YY1: variants seen among roughly 807,000 people sequenced by gnomAD.
YY1 encodes YY1 transcription factor.
Under a neutral mutation model 35.6 loss-of-function variants are expected in YY1, and 2 were observed. That is an observed-to-expected ratio of 0.06 (90% CI 0.02 to 0.18). The LOEUF (loss-of-function observed/expected upper bound fraction) is 0.18, where lower values mean the gene tolerates loss of function less well. Among genes scored for constraint, YY1 ranks in the 10% least tolerant of loss-of-function variants. The probability of loss-of-function intolerance (pLI) is 1.00; values close to 1 mark genes in which losing one functional copy is unlikely to be tolerated. For missense variants in YY1, 322 were observed against 573.4 expected, an observed-to-expected ratio of 0.56 and a Z score of 4.48; for synonymous variants, 268 against 238.9, an observed-to-expected ratio of 1.12 and a Z score of -1.12.
rs559646551 is a variant in YY1 at position 100,274,466 on chromosome 14, G to A, written c.843-232G>A. The stretch of plus-strand genomic sequence containing the variant: ...GCTTATTAGCTATGAGACTGTAGGC[G>A]GCAACTCGATGTTTCTAGCCTGAGC... On this transcript the variant is annotated intron_variant, in intron 2 of 4. Coordinates refer to ENST00000262238, the MANE Select transcript of YY1 (RefSeq NM_003403.5). 7.9e-5 allele frequency among the ~76,000 whole-genome samples: 12 copies of A among 152,252 alleles called. No homozygotes were observed. The South Asian group carries it at 1.5e-3, about 18-fold the overall frequency.
At chr14:100,271,982 C>T (rs1891245193) in intron 2 of YY1, among the ~76,000 whole-genome samples, 1 of 152,024 alleles carries the variant, frequency 6.6e-6, no homozygotes, top group Non-Finnish European at 1.5e-5. Context: ...TAGGGATGCT[C>T]AATCTATAAT....
rs565570460 is a variant in YY1 at position 100,254,402 on chromosome 14, G to A, written c.680-7902G>A. ...TGATTTCTTCTGGCAACAAAAGCCAGTGTCTTTTGTCATTTCTCTAGAAGT... is the reference window on the plus strand; with the variant it reads ...TGATTTCTTCTGGCAACAAAAGCCAATGTCTTTTGTCATTTCTCTAGAAGT... On this transcript the variant is annotated intron_variant, in intron 1 of 4. Coordinates refer to ENST00000262238, the MANE Select transcript of YY1 (RefSeq NM_003403.5). Among the ~76,000 whole-genome samples, 7 of 152,272 alleles carry A rather than the reference G, an allele frequency of 4.6e-5. No individual in the cohort carries two copies. In the South Asian group the frequency reaches 1.5e-3, roughly 32 times the overall value.
chr14:100,274,965 C>T (rs775768390), intron 3 of YY1, among the ~76,000 whole-genome samples: 1 of 152,234 alleles, frequency 6.6e-6, no homozygotes, highest in East Asian at 1.9e-4. Flanking sequence ...TGCAGGGAGC[C>T]GTTGCTTGAT....
At position 100,247,750 on chromosome 14, in the gene YY1, C is replaced by T. The variant is rs116492148; in HGVS notation, c.679+7827C>T. On this transcript the variant is annotated intron_variant, in intron 1 of 4. Transcript: ENST00000262238. ...GCCATTTCCTCGTTCTAAGTATCTT[C>T]TCAGTAGGTTCCATTCTGTTTAACT... Among the ~76,000 whole-genome samples, 690 of 152,244 alleles carry T rather than the reference C, an allele frequency of 4.5e-3. 6 individuals carry two copies. Among genetic ancestry groups the T allele is most frequent in the African/African-American group, 0.016 (656 of 41,548 alleles).
At chr14:100,271,578 G>GT (rs1305319357) in intron 2 of YY1, among the ~76,000 whole-genome samples, 1 of 152,038 alleles carries the variant, frequency 6.6e-6, no homozygotes, top group Non-Finnish European at 1.5e-5. Flanking sequence ...TGCATAATGA[G>GT]TTATCTTAAG....
rs184056992 is a variant in YY1 at position 100,248,929 on chromosome 14, G to A, written c.679+9006G>A. ...GTCTTGATCTCCTGACCTCATGATC[G>A]GCCCGCCTTGGTCTCCCAAAGTGCT... On this transcript the variant is annotated intron_variant, in intron 1 of 4. Transcript: ENST00000262238. Among the ~76,000 whole-genome samples the A allele has an allele frequency of 2.0e-3, 294 of 150,456 alleles. 2 individuals carry two copies. The highest frequency in any genetic ancestry group is 6.9e-3 in the African/African-American group (285 of 41,070).
At chr14:100,241,101 G>A (rs936466201) in intron 1 of YY1, among the ~76,000 whole-genome samples, 1 of 152,100 alleles carries the variant, frequency 6.6e-6, no homozygotes. Context: ...ATTCAATGCT[G>A]GTTTTTTAGG....
At chr14:100,240,238 C>T (rs905857662) in intron 1 of YY1, among the ~76,000 whole-genome samples, 5 of 140,086 alleles carry the variant, frequency 3.6e-5, no homozygotes, top group African/African-American at 1.3e-4. Flanking sequence ...CCCCGACGCC[C>T]TCGCTCCCCG....
At position 100,276,780 on chromosome 14, in the gene YY1, A is replaced by T; in HGVS notation, c.1062+132A>T. ...CTTATTACTCCTTGGTGAGAAACAA[A>T]ACTTCTCCTGGGGAGTCGCTTAGAA... On this transcript the variant is annotated intron_variant, in intron 4 of 4. Coordinates refer to ENST00000262238, the MANE Select transcript of YY1 (RefSeq NM_003403.5). This position sits in a 1 kb window ranked among gnomAD's most constrained non-coding sequence, Gnocchi z 4.1. 7.2e-7 allele frequency: 1 copy of T among 1,395,026 alleles called. No homozygotes were observed. Among genetic ancestry groups the T allele is most frequent in the East Asian group, 2.3e-5 (1 of 42,764 alleles). The allele number at this position is 1,395,026 out of a possible 1,614,324, so 86.4% of individuals were successfully genotyped here.
chr14:100,272,555 A>G (rs145506172), intron 2 of YY1, among the ~76,000 whole-genome samples: 29 of 152,068 alleles, frequency 1.9e-4, no homozygotes, highest in African/African-American at 7.0e-4. Flanking sequence ...TCACAGAATT[A>G]ATTTTTTTTT....
chr14:100,252,480 A>G (rs577903546), intron 1 of YY1, among the ~76,000 whole-genome samples: 10 of 152,212 alleles, frequency 6.6e-5, no homozygotes, highest in Non-Finnish European at 1.2e-4. Flanking sequence ...CACACATTCT[A>G]TCTTAGGCCA....
chr14:100,243,257 T>A (rs1184094225), intron 1 of YY1, among the ~76,000 whole-genome samples: 2 of 152,212 alleles, frequency 1.3e-5, no homozygotes, highest in African/African-American at 2.4e-5. Context: ...TGTGTACATA[T>A]GGGTTGAGCA....
At position 100,249,758 on chromosome 14, in the gene YY1, TTG is replaced by T. The variant is rs869267099; in HGVS notation, c.679+9837_679+9838del. 3.8e-3 allele frequency among the ~76,000 whole-genome samples: 151 copies of T among 39,564 alleles called. 2 individuals are homozygous for T. The highest frequency in any genetic ancestry group is 0.014 in the African/African-American group (112 of 7,864). 26.0% of individuals were successfully genotyped at this position (39,564 alleles called of 152,430 possible). Reference sequence around the variant, plus strand: ...GATTTGCTACTTACCGTTTTTTTTTTTGTTTGTTTTTGTTTTTGTTTTTGTTT... The same window carrying T: ...GATTTGCTACTTACCGTTTTTTTTTTTTTGTTTTTGTTTTTGTTTTTGTTT... On this transcript the variant is annotated intron_variant, in intron 1 of 4. Coordinates refer to ENST00000262238, the MANE Select transcript of YY1 (RefSeq NM_003403.5).
chr14:100,280,749 A>T lies in YY1; in HGVS notation c.*3149A>T, dbSNP rs1023851090. The T allele has an allele frequency of 1.3e-5, 2 of 152,158 alleles. No homozygotes were observed. The highest frequency in any genetic ancestry group is 4.8e-5 in the African/African-American group (2 of 41,428). The allele number at this position is 152,158 out of a possible 1,614,324, so 9.4% of individuals were successfully genotyped here. ...AAGTTCATGTCTTCACAAGTAGATGAGAGTCACTTCCAGTCGGGGGAAGCC... is the reference window on the plus strand; with the variant it reads ...AAGTTCATGTCTTCACAAGTAGATGTGAGTCACTTCCAGTCGGGGGAAGCC... On this transcript the variant is annotated 3_prime_UTR_variant, in exon 5 of 5. Transcript: ENST00000262238.
intron 1 of YY1, among the ~76,000 whole-genome samples, chr14:100,247,971 A>C (rs933582735): frequency 2.6e-5 from 4 of 151,718 alleles, no homozygotes; most frequent in Non-Finnish European, 5.9e-5. Context: ...TTTTTTACAG[A>C]GTCTTACTCT....
In YY1 at chr14:100,279,479, C is replaced by A. The variant is rs1310713957; in HGVS notation, c.*1879C>A. On this transcript the variant is annotated 3_prime_UTR_variant, in exon 5 of 5. Coordinates refer to ENST00000262238, the MANE Select transcript of YY1 (RefSeq NM_003403.5). The stretch of plus-strand genomic sequence containing the variant: ...TTAACTTGAGACCCTTTAAAAAATT[C>A]ATCCAGAATCTGTTACCCCTTGGGT... 2 of 152,208 alleles carry A rather than the reference C, an allele frequency of 1.3e-5. No individual in the cohort carries two copies. The highest frequency in any genetic ancestry group is 2.9e-5 in the Non-Finnish European group (2 of 68,042). 9.4% of individuals were successfully genotyped at this position (152,208 alleles called of 1,614,324 possible). A position where few individuals can be genotyped will look rare whatever the true frequency, so the allele number is the denominator to read the frequency against.
intron 2 of YY1, among the ~76,000 whole-genome samples, chr14:100,270,456 CAAAA>C (rs34083329): frequency 1.0e-5 from 1 of 98,092 alleles, no homozygotes; most frequent in Admixed American, 1.1e-4. Context: ...ACTAAAAATA[CAAAA>C]AAAAAAAAAA....
chr14:100,279,621 G>C lies in YY1; in HGVS notation c.*2021G>C, dbSNP rs1424128049. On this transcript the variant is annotated 3_prime_UTR_variant, in exon 5 of 5. Coordinates refer to ENST00000262238, the MANE Select transcript of YY1 (RefSeq NM_003403.5). ...CCATGGTGGAGGTCTTCAGTGCCGA[G>C]GGCTCGGATGAGAACGTGTAGTTCT... 1.3e-5 allele frequency: 2 copies of C among 152,240 alleles called. No homozygotes were observed. Among genetic ancestry groups the C allele is most frequent in the Non-Finnish European group, 2.9e-5 (2 of 68,038 alleles). The allele number at this position is 152,240 out of a possible 1,614,324, so 9.4% of individuals were successfully genotyped here.
At chr14:100,253,277 A>C (rs1251224294) in intron 1 of YY1, among the ~76,000 whole-genome samples, 1 of 152,234 alleles carries the variant, frequency 6.6e-6, no homozygotes, top group Admixed American at 6.5e-5. Context: ...AGTCAATAGA[A>C]ATCAGTAACA....
Sources: allele counts gnomAD v4.1 joint callset (sites outside exome capture counted in the v4.1 genomes callset), GRCh38; gene constraint gnomAD v4.1.1; non-coding constraint Gnocchi (gnomAD v3.1); transcripts MANE v1.5; gene names NCBI Gene and HGNC (gene_info 2026-07-23, HGNC 2026-07-21).